The following SLC25A26 variants were observed in gnomAD, a reference collection of about 807,000 sequenced individuals.
The protein encoded by SLC25A26 is mitochondrial S-adenosylmethionine carrier protein.
A neutral mutation model predicts 37.8 loss-of-function variants in SLC25A26; 36 were observed. The observed-to-expected ratio is 0.95, with a 90% CI of 0.73 to 1.26. The LOEUF (loss-of-function observed/expected upper bound fraction) is 1.26, where lower values mean the gene tolerates loss of function less well. Ranked by LOEUF, SLC25A26 falls within the 50% of genes most tolerant of loss-of-function variation. The probability of loss-of-function intolerance (pLI) is 0.00; values close to 1 mark genes in which losing one functional copy is unlikely to be tolerated. For synonymous variants in SLC25A26, 129 were observed against 122.5 expected (o/e 1.05, Z -0.35); for missense variants, 390 against 331.1 (o/e 1.18, Z -1.38).
chr3:66,200,102 A>C (rs2071090244), intron 1 of SLC25A26, among the ~76,000 whole-genome samples: 1 of 152,236 alleles, frequency 6.6e-6, no homozygotes, highest in Non-Finnish European at 1.5e-5. Context: ...TATTACAATG[A>C]GGTAAAAAAT....
chr3:66,150,524 G>GAT (rs57194947), intron 1 of SLC25A26, among the ~76,000 whole-genome samples: 2,130 of 103,582 alleles, frequency 0.021, 78 homozygotes, highest in African/African-American at 0.056. Context: ...TATATATAAT[G>GAT]ATATATATAT....
At chr3:66,377,386 G>A (rs1032916411) in intron 9 of SLC25A26, among the ~76,000 whole-genome samples, 1 of 152,114 alleles carries the variant, frequency 6.6e-6, no homozygotes, top group Non-Finnish European at 1.5e-5. Context: ...TCTTCACTGA[G>A]CAACCCCTGG....
At chr3:66,346,333 AATTT>A in intron 5 of SLC25A26, 27 bp from the exon 6 acceptor site, 1 of 1,328,604 alleles carries the variant, frequency 7.5e-7, no homozygotes, top group South Asian at 1.5e-5. Context: ...TTTTTTGCCT[AATTT>A]ATTTAATTTT....
chr3:66,152,188 GTA>G (rs1218245708), intron 1 of SLC25A26, among the ~76,000 whole-genome samples: 1 of 152,174 alleles, frequency 6.6e-6, no homozygotes, highest in East Asian at 1.9e-4. Flanking sequence ...TTCTGATTCA[GTA>G]GATCTGGAGA....
intron 5 of SLC25A26, among the ~76,000 whole-genome samples, chr3:66,319,836 C>T (rs1424851771): frequency 3.4e-5 from 5 of 145,266 alleles, no homozygotes; most frequent in South Asian, 2.2e-4. Flanking sequence ...TCACCGCAAC[C>T]TCTACTTCCC....
At chr3:66,356,993 A>G (rs959359191) in intron 6 of SLC25A26, among the ~76,000 whole-genome samples, 2 of 152,190 alleles carry the variant, frequency 1.3e-5, no homozygotes, top group African/African-American at 4.8e-5. Flanking sequence ...GTGTCATACA[A>G]CCTAGTAGAC....
chr3:66,356,802 AT>A (rs1287738546), intron 6 of SLC25A26, among the ~76,000 whole-genome samples: 1 of 151,746 alleles, frequency 6.6e-6, no homozygotes, highest in Non-Finnish European at 1.5e-5. Context: ...TAATTTTTAA[AT>A]TTTTTTGTAG....
At chr3:66,246,000 A>G (rs1398545971) in intron 3 of SLC25A26, among the ~76,000 whole-genome samples, 5 of 152,116 alleles carry the variant, frequency 3.3e-5, no homozygotes, top group African/African-American at 9.7e-5. Flanking sequence ...CTAGGCAACC[A>G]CTGGTCTACT....
intron 1 of SLC25A26, among the ~76,000 whole-genome samples, chr3:66,150,544 T>TAA (rs1381542906): frequency 1.8e-5 from 2 of 111,188 alleles, no homozygotes; most frequent in African/African-American, 6.8e-5. Flanking sequence ...TATATATATA[T>TAA]AAAATATATA....
Position 66,261,962 on chromosome 3 carries a change from C to T in SLC25A26, c.301-89C>T, listed in dbSNP as rs1576740776. On this transcript the variant is annotated intron_variant, in intron 3 of 9. Coordinates refer to ENST00000354883, the MANE Select transcript of SLC25A26 (RefSeq NM_001379210.1). ...TCTTGCAGTAAGCCTACATATTATACCTTTTTACTACAATTTTTGCTTACC... is the reference window on the plus strand; with the variant it reads ...TCTTGCAGTAAGCCTACATATTATATCTTTTTACTACAATTTTTGCTTACC... 7 of 717,440 alleles carry T rather than the reference C, an allele frequency of 9.8e-6. No individual in the cohort carries two copies. The South Asian group carries it at 1.2e-4, about 12-fold the overall frequency. 44.4% of individuals were successfully genotyped at this position (717,440 alleles called of 1,614,324 possible). A position where few individuals can be genotyped will look rare whatever the true frequency, so the allele number is the denominator to read the frequency against.
intron 3 of SLC25A26, among the ~76,000 whole-genome samples, chr3:66,251,142 T>G (rs1288142931): frequency 6.6e-6 from 1 of 152,122 alleles, no homozygotes; most frequent in African/African-American, 2.4e-5. Flanking sequence ...TATGATAGGG[T>G]CACCCTGAGG....
At chr3:66,304,430 T>C (rs993074826) in intron 5 of SLC25A26, 1 of 456,314 alleles carries the variant, frequency 2.2e-6, no homozygotes, top group African/African-American at 2.0e-5. Flanking sequence ...TCTGTTGTCA[T>C]ATTTTTTCTT....
At chr3:66,256,363 A>G (rs1576727625) in intron 3 of SLC25A26, among the ~76,000 whole-genome samples, 2 of 152,184 alleles carry the variant, frequency 1.3e-5, no homozygotes, top group African/African-American at 2.4e-5. Flanking sequence ...ATCTAAAAGC[A>G]TATTTTAAAT....
At chr3:66,182,694 G>C (rs1407520051) in intron 1 of SLC25A26, among the ~76,000 whole-genome samples, 1 of 122,014 alleles carries the variant, frequency 8.2e-6, no homozygotes, top group East Asian at 2.7e-4. Context: ...GCCCAGCATC[G>C]GCCTCAACCT....
At chr3:66,284,617 A>G (rs2074449723) in intron 5 of SLC25A26, among the ~76,000 whole-genome samples, 3 of 152,224 alleles carry the variant, frequency 2.0e-5, no homozygotes, top group South Asian at 4.1e-4. Flanking sequence ...AGTGCATGGA[A>G]TAATACACAG....
At chr3:66,276,048 A>G (rs1028985476) in intron 5 of SLC25A26, among the ~76,000 whole-genome samples, 1 of 152,128 alleles carries the variant, frequency 6.6e-6, no homozygotes, top group Non-Finnish European at 1.5e-5. Context: ...TGTGTAATTA[A>G]AAAATAGCAA....
intron 9 of SLC25A26, 109 bp downstream of exon 9, chr3:66,370,711 A>C (rs1003856721): frequency 7.3e-6 from 6 of 825,336 alleles, no homozygotes; most frequent in African/African-American, 1.7e-5. Context: ...TTCTGCTTTG[A>C]GTTTCTATTT....
intron 1 of SLC25A26, among the ~76,000 whole-genome samples, chr3:66,209,879 C>CCTCT (rs1371306688): frequency 1.6e-5 from 1 of 63,746 alleles, no homozygotes; most frequent in Non-Finnish European, 2.8e-5. Flanking sequence ...TATATATACT[C>CCTCT]CTCTCTCTCT....
intron 5 of SLC25A26, among the ~76,000 whole-genome samples, chr3:66,271,443 G>A: frequency 6.6e-6 from 1 of 152,096 alleles, no homozygotes; most frequent in South Asian, 2.1e-4. Context: ...CTGCTTTCAG[G>A]CATCATAGTT....
Sources: gnomAD v4.1 joint callset for allele counts (sites outside exome capture counted in the v4.1 genomes callset) on GRCh38, gnomAD v4.1.1 for gene constraint, MANE v1.5 for transcripts, NCBI Gene and HGNC (gene_info 2026-07-23, HGNC 2026-07-21) for gene names.